The following RGP1 variants were observed in gnomAD, a reference collection of about 807,000 sequenced individuals.
The protein encoded by RGP1 is RGP1 partner of RAB6A GEF complex, also known as RAB6A-GEF complex partner protein 2.
A neutral mutation model predicts 44.5 loss-of-function variants in RGP1; 28 were observed. The ratio of observed to expected loss-of-function variants is 0.63; its 90% CI spans 0.47 to 0.86. RGP1 has a LOEUF of 0.86. Ranked by LOEUF, RGP1 falls within the 40% of genes least tolerant of loss-of-function variation. RGP1 has a pLI of 0.00. For missense variants in RGP1, 417 were observed against 490.7 expected, an observed-to-expected ratio of 0.85 and a Z score of 1.42; for synonymous variants, 212 against 196.7, an observed-to-expected ratio of 1.08 and a Z score of -0.65.
chr9:35,766,559 C>T, the RGP1 span, among the ~76,000 whole-genome samples: 1 of 152,096 alleles, frequency 6.6e-6, no homozygotes, highest in African/African-American at 2.4e-5. Flanking sequence ...TCCCTTACAC[C>T]AGGTCACAAA....
chr9:35,751,252 C>T lies in RGP1; in HGVS notation c.488-14C>T. On this transcript the variant is annotated splice_polypyrimidine_tract_variant and intron_variant, in intron 5 of 8. Transcript: ENST00000378078. ...TCCCTCTCAGCATTACCTCTCCACTCATTCTTTCTCTAGGCCTTCAGGATG... is the reference window on the plus strand; with the variant it reads ...TCCCTCTCAGCATTACCTCTCCACTTATTCTTTCTCTAGGCCTTCAGGATG... 1 of 1,613,608 alleles carries T rather than the reference C, an allele frequency of 6.2e-7. No individual in the cohort carries two copies. Among genetic ancestry groups the T allele is most frequent in the Non-Finnish European group, 8.5e-7 (1 of 1,179,604 alleles).
intron 2 of RGP1, among the ~76,000 whole-genome samples, 149 bp from the exon 3 acceptor site, chr9:35,750,090 CTTTA>C (rs1827212103): frequency 6.6e-6 from 1 of 152,226 alleles, no homozygotes; most frequent in African/African-American, 2.4e-5. Context: ...GTCTGCTACT[CTTTA>C]TTTAATGGTT....
In RGP1 at chr9:35,756,929, G is replaced by C. The variant is rs1588037950; in HGVS notation, c.*4055G>C. ...GCCAGGAGTCCTCTCCCAGAAGTTG[G>C]GGGGCGGTGCAGAGGTGTGGGTCGA... On this transcript the variant is annotated 3_prime_UTR_variant, in exon 9 of 9. Transcript: ENST00000378078. The C allele has an allele frequency of 6.5e-6, 1 of 152,826 alleles. No homozygotes were observed. Among genetic ancestry groups the C allele is most frequent in the African/African-American group, 2.4e-5 (1 of 41,466 alleles). The allele number at this position is 152,826 out of a possible 1,614,324, so 9.5% of individuals were successfully genotyped here.
At chr9:35,767,044 T>C in the RGP1 span, among the ~76,000 whole-genome samples, 1 of 152,212 alleles carries the variant, frequency 6.6e-6, no homozygotes, top group African/African-American at 2.4e-5. Context: ...GGAAGCATTT[T>C]AGATTGTTGG....
chr9:35,771,775 G>A, the RGP1 span, among the ~76,000 whole-genome samples: 2 of 152,230 alleles, frequency 1.3e-5, no homozygotes, highest in Non-Finnish European at 2.9e-5. Context: ...TGTGTACTTT[G>A]TTCATGTAAG....
At chr9:35,763,579 T>A (rs1356875290), downstream of RGP1, among the ~76,000 whole-genome samples, 1 of 152,134 alleles carries the variant, frequency 6.6e-6, no homozygotes, top group Non-Finnish European at 1.5e-5. Context: ...ATATAGAAAT[T>A]GCCTGGAAGA....
chr9:35,774,695 T>G, the RGP1 span, among the ~76,000 whole-genome samples: 20 of 152,080 alleles, frequency 1.3e-4, no homozygotes, highest in East Asian at 3.9e-4. Context: ...CTGCATTCCA[T>G]CCTGGGCGAC....
chr9:35,780,210 A>C, the RGP1 span: 27 of 152,326 alleles, frequency 1.8e-4, no homozygotes, highest in African/African-American at 6.0e-4. Flanking sequence ...CTTCCAGAGA[A>C]CTAGAAGAGG....
rs559252593 is a variant in RGP1 at position 35,753,659 on chromosome 9, C to T, written c.*785C>T. On this transcript the variant is annotated 3_prime_UTR_variant, in exon 9 of 9. Transcript: ENST00000378078. The surrounding 1 kb of genome is among the most constrained non-coding windows in gnomAD (Gnocchi z 4.2). ...CTCTCTGGCCATCTTTGGTCACTCA[C>T]GTGTCACAGCAGCCCACGCCAACAG... 16 of 1,612,420 alleles carry T rather than the reference C, an allele frequency of 9.9e-6. No individual in the cohort carries two copies. Among genetic ancestry groups the T allele is most frequent in the African/African-American group, 9.3e-5 (7 of 74,992 alleles).
the RGP1 span, chr9:35,772,428 T>C: frequency 6.6e-6 from 1 of 152,236 alleles, no homozygotes; most frequent in African/African-American, 2.4e-5. Context: ...GATGTGTAAC[T>C]GGAGGAACTT....
the RGP1 span, among the ~76,000 whole-genome samples, chr9:35,766,233 G>A: frequency 6.7e-6 from 1 of 149,312 alleles, no homozygotes; most frequent in Non-Finnish European, 1.5e-5. Context: ...AATGTTTAAT[G>A]ACATTGAGCA....
the RGP1 span, among the ~76,000 whole-genome samples, chr9:35,780,853 A>G: frequency 1.3e-5 from 2 of 152,178 alleles, no homozygotes; most frequent in Non-Finnish European, 2.9e-5. Context: ...AGATGGCGCC[A>G]CTGCACTCCA....
At position 35,753,371 on chromosome 9, in the gene RGP1, C is replaced by T. The variant is rs976807271; in HGVS notation, c.*497C>T. ...GTTCCCTCTCTCACAGTTTTCCCCCCACAGAGCCCCTTTCAGTGGCCCCTT... is the reference window on the plus strand; with the variant it reads ...GTTCCCTCTCTCACAGTTTTCCCCCTACAGAGCCCCTTTCAGTGGCCCCTT... On this transcript the variant is annotated 3_prime_UTR_variant, in exon 9 of 9. Transcript: ENST00000378078. This position sits in a 1 kb window ranked among gnomAD's most constrained non-coding sequence, Gnocchi z 4.2. 2.1e-6 allele frequency: 3 copies of T among 1,425,546 alleles called. No homozygotes were observed. Among genetic ancestry groups the T allele is most frequent in the African/African-American group, 1.4e-5 (1 of 70,750 alleles). 88.3% of individuals were successfully genotyped at this position (1,425,546 alleles called of 1,614,324 possible).
Position 35,754,526 on chromosome 9 carries a change from A to T in RGP1, c.*1652A>T, listed in dbSNP as rs1334557361. The T allele has an allele frequency of 1.2e-5, 2 of 162,990 alleles. No individual in the cohort carries two copies. The highest frequency in any genetic ancestry group is 4.8e-5 in the African/African-American group (2 of 41,792). 10.1% of individuals were successfully genotyped at this position (162,990 alleles called of 1,614,324 possible). A position where few individuals can be genotyped will look rare whatever the true frequency, so the allele number is the denominator to read the frequency against. ...GCGAGGGCCCCCAGGTGGTCCCCAG[A>T]TCTCTTCCCTGACCTGGAGAGAAGG... On this transcript the variant is annotated 3_prime_UTR_variant, in exon 9 of 9. Transcript: ENST00000378078.
chr9:35,766,356 G>A, the RGP1 span, among the ~76,000 whole-genome samples: 2 of 152,080 alleles, frequency 1.3e-5, no homozygotes, highest in African/African-American at 4.8e-5. Context: ...AGTTTTAAGA[G>A]TTCTTTATAT....
the RGP1 span, among the ~76,000 whole-genome samples, chr9:35,765,037 G>T: frequency 2.6e-5 from 4 of 150,964 alleles, no homozygotes; most frequent in Non-Finnish European, 5.9e-5. Flanking sequence ...GAGGCAGGAG[G>T]ATCTCTTGAA....
rs550154941 is a variant in RGP1 at position 35,758,228 on chromosome 9, G to A, written c.*5354G>A. 6.6e-6 allele frequency: 1 copy of A among 152,130 alleles called. No homozygotes were observed. The highest frequency in any genetic ancestry group is 1.5e-5 in the Non-Finnish European group (1 of 68,014). 9.4% of individuals were successfully genotyped at this position (152,130 alleles called of 1,614,324 possible). A position where few individuals can be genotyped will look rare whatever the true frequency, so the allele number is the denominator to read the frequency against. On this transcript the variant is annotated 3_prime_UTR_variant, in exon 9 of 9. Coordinates refer to ENST00000378078, the MANE Select transcript of RGP1 (RefSeq NM_001080496.3). ...AACATTTCTTGGAATGGGAGCTTTG[G>A]ACTACAGTATACAGACAAACAACTC...
the RGP1 span, among the ~76,000 whole-genome samples, chr9:35,784,433 T>C: frequency 6.6e-6 from 1 of 152,152 alleles, no homozygotes; most frequent in Non-Finnish European, 1.5e-5. Flanking sequence ...CTTTCGTAAG[T>C]GATGAGAGAT....
the RGP1 span, among the ~76,000 whole-genome samples, chr9:35,784,531 C>A: frequency 6.6e-6 from 1 of 152,170 alleles, no homozygotes; most frequent in African/African-American, 2.4e-5. Flanking sequence ...CTCACTGCAA[C>A]CTCCGCCTCT....
Sources: allele counts gnomAD v4.1 joint callset (sites outside exome capture counted in the v4.1 genomes callset), GRCh38; gene constraint gnomAD v4.1.1; non-coding constraint Gnocchi (gnomAD v3.1); transcripts MANE v1.5; gene names NCBI Gene and HGNC (gene_info 2026-07-23, HGNC 2026-07-21).